The following SEPTIN11 variants were observed in gnomAD, a reference collection of about 807,000 sequenced individuals.
SEPTIN11 encodes the protein septin-11.
Under a neutral mutation model 51.4 loss-of-function variants are expected in SEPTIN11, and 25 were observed. The ratio of observed to expected loss-of-function variants is 0.49; its 90% CI spans 0.35 to 0.68. The LOEUF (loss-of-function observed/expected upper bound fraction) is 0.68, where lower values mean the gene tolerates loss of function less well. Ranked by LOEUF, SEPTIN11 falls within the 30% of genes least tolerant of loss-of-function variation. The pLI, the probability that SEPTIN11 is intolerant of heterozygous loss-of-function variation, is 0.00. For missense variants in SEPTIN11, 381 were observed against 520.8 expected (o/e 0.73, Z 2.61); for synonymous variants, 174 against 184.1 (o/e 0.95, Z 0.44).
intron 2 of SEPTIN11, among the ~76,000 whole-genome samples, chr4:77,004,832 A>T (rs183877454): frequency 2.6e-5 from 4 of 152,102 alleles, no homozygotes; most frequent in Non-Finnish European, 5.9e-5. Context: ...GTGTGGTGAC[A>T]TGTGCCTGTA....
downstream of SEPTIN11, chr4:77,038,621 G>A: frequency 1.0e-6 from 1 of 995,220 alleles, no homozygotes; most frequent in Non-Finnish European, 1.2e-6. Flanking sequence ...CATTATTTGT[G>A]TGCCCTTTTT....
intron 2 of SEPTIN11, among the ~76,000 whole-genome samples, chr4:77,000,459 G>A (rs1355661671): frequency 1.3e-5 from 2 of 152,146 alleles, no homozygotes; most frequent in Non-Finnish European, 2.9e-5. Context: ...GTGCCATCAG[G>A]CCTGCCTATA....
chr4:77,016,661 T>TATATATATATATAC (rs1725332296), intron 5 of SEPTIN11, among the ~76,000 whole-genome samples: 1 of 130,490 alleles, frequency 7.7e-6, no homozygotes, highest in Non-Finnish European at 1.6e-5. Flanking sequence ...TATATACACA[T>TATATATATATATAC]ATATATATAT....
At chr4:77,027,948 C>T (rs988340145) in intron 7 of SEPTIN11, among the ~76,000 whole-genome samples, 1 of 145,220 alleles carries the variant, frequency 6.9e-6, no homozygotes, top group African/African-American at 2.8e-5. Context: ...GCTCTGTTTA[C>T]AACTGGTAAT....
intron 5 of SEPTIN11, among the ~76,000 whole-genome samples, chr4:77,016,655 T>TACACATATATATATATATATATATATAC (rs1725324959): frequency 9.2e-6 from 1 of 109,024 alleles, no homozygotes; most frequent in African/African-American, 3.3e-5. Flanking sequence ...TATATATATA[T>TACACATATATATATATATATATATATAC]ACACATATAT....
chr4:76,970,395 A>G (rs923658453), intron 1 of SEPTIN11, among the ~76,000 whole-genome samples: 8 of 152,246 alleles, frequency 5.3e-5, no homozygotes, highest in Non-Finnish European at 1.2e-4. Flanking sequence ...GTAATTGTGC[A>G]GTTACAGGCT....
intron 9 of SEPTIN11, among the ~76,000 whole-genome samples, chr4:77,033,535 G>A (rs1346172454): frequency 1.3e-5 from 2 of 152,100 alleles, no homozygotes; most frequent in Non-Finnish European, 2.9e-5. Flanking sequence ...AAGATGACAG[G>A]CAAAGTAGAA....
At chr4:77,019,285 G>C (rs1400985789) in intron 6 of SEPTIN11, 24 bp downstream of exon 6, 2 of 1,569,696 alleles carry the variant, frequency 1.3e-6, no homozygotes, top group Middle Eastern at 1.7e-4. Context: ...ATGGGAGATG[G>C]AGTCTTCATA....
intron 7 of SEPTIN11, among the ~76,000 whole-genome samples, chr4:77,023,400 TAC>T (rs553999659): frequency 1.3e-5 from 2 of 148,370 alleles, no homozygotes; most frequent in Non-Finnish European, 3.0e-5. Flanking sequence ...ATAATATATA[TAC>T]ACACACATAT....
chr4:77,005,064 GTTAGTGA>G (rs1354208109), intron 2 of SEPTIN11, among the ~76,000 whole-genome samples: 3 of 152,214 alleles, frequency 2.0e-5, no homozygotes, highest in Non-Finnish European at 4.4e-5. Flanking sequence ...ACTCAGTGAT[GTTAGTGA>G]TTATTGTCAT....
chr4:76,971,358 G>A (rs1722232028), intron 1 of SEPTIN11, among the ~76,000 whole-genome samples: 1 of 152,032 alleles, frequency 6.6e-6, no homozygotes, highest in African/African-American at 2.4e-5. Flanking sequence ...ATATGGCAGA[G>A]CTGGAGTCTT....
chr4:76,979,084 A>G (rs1722633853), intron 1 of SEPTIN11, among the ~76,000 whole-genome samples: 1 of 152,232 alleles, frequency 6.6e-6, no homozygotes, highest in Non-Finnish European at 1.5e-5. Flanking sequence ...GCATTCATTC[A>G]TCCTAAACAT....
At chr4:76,988,176 A>G (rs995029774) in intron 1 of SEPTIN11, among the ~76,000 whole-genome samples, 2 of 152,268 alleles carry the variant, frequency 1.3e-5, no homozygotes, top group African/African-American at 4.8e-5. Context: ...ACATATTTTT[A>G]CATACTATAG....
intron 1 of SEPTIN11, among the ~76,000 whole-genome samples, chr4:76,952,189 G>A (rs1205579106): frequency 6.6e-6 from 1 of 150,830 alleles, no homozygotes; most frequent in African/African-American, 2.4e-5. Flanking sequence ...AGACTCTTGA[G>A]ACACAGCTCC....
rs189706661 is a variant in SEPTIN11 at position 77,036,840 on chromosome 4, A to G, written c.*2328A>G. 6.9e-3 allele frequency: 10,431 copies of G among 1,513,840 alleles called. 45 individuals carry two copies. Among genetic ancestry groups the G allele is most frequent in the Non-Finnish European group, 8.1e-3 (9,191 of 1,139,352 alleles). The allele number at this position is 1,513,840 out of a possible 1,614,324, so 93.8% of individuals were successfully genotyped here. A position where few individuals can be genotyped will look rare whatever the true frequency, so the allele number is the denominator to read the frequency against. The stretch of plus-strand genomic sequence containing the variant: ...TGGATGTGCTTTCGCCTTTGCATGT[A>G]AGTACGGTAGTAAGAAACCTTTGAG... On this transcript the variant is annotated 3_prime_UTR_variant, in exon 10 of 10. Coordinates refer to ENST00000264893, the MANE Select transcript of SEPTIN11 (RefSeq NM_018243.4).
chr4:76,969,063 A>G (rs73826479), intron 1 of SEPTIN11, among the ~76,000 whole-genome samples: 2,333 of 152,302 alleles, frequency 0.015, 52 homozygotes, highest in African/African-American at 0.053. Flanking sequence ...CTTGAAACAT[A>G]GTCTTCTTGC....
intron 1 of SEPTIN11, among the ~76,000 whole-genome samples, chr4:76,971,944 A>AT (rs1408771375): frequency 6.6e-6 from 1 of 152,152 alleles, no homozygotes; most frequent in Non-Finnish European, 1.5e-5. Context: ...GATGTAAGCT[A>AT]TTTTTTTAAA....
At position 77,034,532 on chromosome 4, in the gene SEPTIN11, G is replaced by A; in HGVS notation, c.*20G>A. ...ACATAAAGCCTGGCAAGCCAAGGAT[G>A]TTCCCGCATTCACCTGCTTTTGCAG... On this transcript the variant is annotated 3_prime_UTR_variant, in exon 10 of 10. Transcript: ENST00000264893. 1 of 1,559,396 alleles carries A rather than the reference G, an allele frequency of 6.4e-7. No homozygotes were observed. The highest frequency in any genetic ancestry group is 8.6e-7 in the Non-Finnish European group (1 of 1,157,248).
chr4:77,009,066 T>C (rs778282990), intron 3 of SEPTIN11, among the ~76,000 whole-genome samples: 1 of 152,238 alleles, frequency 6.6e-6, no homozygotes, highest in Non-Finnish European at 1.5e-5. Context: ...TTCATCAGCA[T>C]AATTAAATCT....
Sources: gnomAD v4.1 joint callset for allele counts (sites outside exome capture counted in the v4.1 genomes callset) on GRCh38, gnomAD v4.1.1 for gene constraint, MANE v1.5 for transcripts, NCBI Gene and HGNC (gene_info 2026-07-23, HGNC 2026-07-21) for gene names.